Variants in HOOK3 observed in about 807,000 individuals in gnomAD.
HOOK3 encodes the protein protein Hook homolog 3.
In HOOK3, 24 loss-of-function variants were observed where a neutral mutation model predicts 116.3. That is an observed-to-expected ratio of 0.21 (90% CI 0.15 to 0.29). HOOK3 has a LOEUF of 0.29. Ranked by LOEUF, HOOK3 falls within the 10% of genes least tolerant of loss-of-function variation. The pLI is 1.00. For missense variants in HOOK3, 632 were observed against 830.2 expected (o/e 0.76, Z 2.93); for synonymous variants, 275 against 283.0 (o/e 0.97, Z 0.28).
At chr8:42,898,632 T>C (rs1173502058) in intron 1 of HOOK3, among the ~76,000 whole-genome samples, 10 of 152,188 alleles carry the variant, frequency 6.6e-5, no homozygotes, top group Admixed American at 5.9e-4. Flanking sequence ...CTTCCCTTTA[T>C]GCTAGAAGAA....
intron 2 of HOOK3, among the ~76,000 whole-genome samples, chr8:42,912,138 G>A (rs373915748): frequency 6.6e-6 from 1 of 152,046 alleles, no homozygotes; most frequent in Non-Finnish European, 1.5e-5. Context: ...GGTGAGTGTG[G>A]GTGCCAAAAA....
At chr8:42,927,150 GA>G (rs1384024379) in intron 3 of HOOK3, among the ~76,000 whole-genome samples, 1 of 151,402 alleles carries the variant, frequency 6.6e-6, no homozygotes, top group Admixed American at 6.6e-5. Flanking sequence ...TGTTTGATAA[GA>G]AAAGTATTTA....
chr8:42,906,595 TATC>T (rs1463801380), intron 2 of HOOK3, among the ~76,000 whole-genome samples: 1 of 152,314 alleles, frequency 6.6e-6, no homozygotes, highest in South Asian at 2.1e-4. Context: ...TTTGCTGAAA[TATC>T]ATCTCATCAG....
At chr8:42,955,361 A>G (rs867454756) in intron 6 of HOOK3, among the ~76,000 whole-genome samples, 11 of 152,274 alleles carry the variant, frequency 7.2e-5, no homozygotes, top group Middle Eastern at 3.4e-3. Context: ...CTAGTTCCCC[A>G]TCTATACCGT....
At chr8:42,968,632 G>A (rs1440556170) in intron 11 of HOOK3, among the ~76,000 whole-genome samples, 1 of 152,104 alleles carries the variant, frequency 6.6e-6, no homozygotes. Context: ...GAGCCACCAT[G>A]CCTGGCCTAT....
At chr8:43,012,659 A>G (rs1809635123) in intron 19 of HOOK3, among the ~76,000 whole-genome samples, 1 of 152,002 alleles carries the variant, frequency 6.6e-6, no homozygotes, top group Non-Finnish European at 1.5e-5. Flanking sequence ...GAGCACAGTG[A>G]CATGATCTCA....
intron 2 of HOOK3, among the ~76,000 whole-genome samples, chr8:42,920,277 C>T (rs1053359165): frequency 5.9e-5 from 9 of 152,056 alleles, no homozygotes; most frequent in Non-Finnish European, 1.0e-4. Context: ...TTGTTTTATT[C>T]GAGCCTGCGA....
intron 15 of HOOK3, among the ~76,000 whole-genome samples, chr8:42,996,894 CTTTTTTTTTT>C (rs60094537): frequency 1.1e-3 from 82 of 77,890 alleles, no homozygotes; most frequent in African/African-American, 2.0e-3. Context: ...GGGCAGGGAT[CTTTTTTTTTT>C]TTTTTTTTTT....
intron 11 of HOOK3, among the ~76,000 whole-genome samples, chr8:42,971,306 G>A (rs543252011): frequency 4.0e-5 from 6 of 151,702 alleles, no homozygotes; most frequent in South Asian, 2.1e-4. Context: ...TCGCTCTGTC[G>A]CTCAGGCTAG....
chr8:42,964,380 C>G lies in HOOK3; in HGVS notation c.685C>G (p.Gln229Glu). The G allele has an allele frequency of 6.2e-7, 1 of 1,613,840 alleles. No individual in the cohort carries two copies. The highest frequency in any genetic ancestry group is 8.5e-7 in the Non-Finnish European group (1 of 1,179,784). The change falls in exon 9 of 22, where the codon CAA becomes GAA. Residue 229 changes from glutamine to glutamate, a missense_variant. Around this residue, in one of 3 missense-constraint regions of HOOK3, gnomAD observed 483 missense variants for 648.1 expected, o/e 0.75. Transcript: ENST00000307602. The stretch of plus-strand genomic sequence containing the variant: ...TCAGGTATTAATGGAAAGACTCAAT[C>G]AATCTGATTCTATAGAAGACCCTAA... ...ENQVLMERLNQSDSIEDPNSP... is the reference protein window; with the variant it reads ...ENQVLMERLNESDSIEDPNSP...
At chr8:42,939,807 G>GGT in intron 4 of HOOK3, among the ~76,000 whole-genome samples, 1 of 150,944 alleles carries the variant, frequency 6.6e-6, no homozygotes, top group East Asian at 2.0e-4. Flanking sequence ...CTTCTCAGAC[G>GGT]GGGCGGCCGG....
chr8:42,919,896 A>C (rs368317846), intron 2 of HOOK3, among the ~76,000 whole-genome samples: 3 of 151,660 alleles, frequency 2.0e-5, no homozygotes, highest in Non-Finnish European at 4.4e-5. Context: ...GCAGCAGTAC[A>C]GTCCAGCCTT....
chr8:42,962,893 C>A lies in HOOK3; in HGVS notation c.616-1418C>A, dbSNP rs1441042576. Among the ~76,000 whole-genome samples the A allele has an allele frequency of 2.0e-5, 3 of 150,060 alleles. No homozygotes were observed. The East Asian group carries it at 5.9e-4, about 29-fold the overall frequency. On this transcript the variant is annotated intron_variant, in intron 8 of 21. Transcript: ENST00000307602. ...CTTAGCTCACTGCAACTTCTGCCTCCCAGGTTCAAGCTATTCTCTTGCCTC... is the reference window on the plus strand; with the variant it reads ...CTTAGCTCACTGCAACTTCTGCCTCACAGGTTCAAGCTATTCTCTTGCCTC...
chr8:43,028,995 T>A lies in HOOK3; in HGVS notation c.*10497T>A, dbSNP rs568946001. 5.0e-6 allele frequency: 1 copy of A among 198,592 alleles called. No homozygotes were observed. The highest frequency in any genetic ancestry group is 1.9e-4 in the South Asian group (1 of 5,202). 12.3% of individuals were successfully genotyped at this position (198,592 alleles called of 1,614,324 possible). Reference sequence around the variant, plus strand: ...TTATTATCTTCTTGGTGACCTACTTTAGTATGTGTTCTGTAGCGATTCATA... The same window carrying A: ...TTATTATCTTCTTGGTGACCTACTTAAGTATGTGTTCTGTAGCGATTCATA... On this transcript the variant is annotated 3_prime_UTR_variant, in exon 22 of 22. Coordinates refer to ENST00000307602, the MANE Select transcript of HOOK3 (RefSeq NM_032410.4).
intron 8 of HOOK3, 75 bp downstream of exon 8, chr8:42,959,389 C>A: frequency 1.1e-6 from 1 of 944,064 alleles, no homozygotes; most frequent in South Asian, 1.4e-5. Flanking sequence ...TGTGTACTGT[C>A]ATACAGTACA....
Position 42,983,562 on chromosome 8 carries a change from C to T in HOOK3, c.1391+866C>T, listed in dbSNP as rs540808555. 3.3e-5 allele frequency among the ~76,000 whole-genome samples: 5 copies of T among 152,248 alleles called. No homozygotes were observed. The South Asian group carries it at 6.2e-4, about 19-fold the overall frequency. On this transcript the variant is annotated intron_variant, in intron 14 of 21. Coordinates refer to ENST00000307602, the MANE Select transcript of HOOK3 (RefSeq NM_032410.4). ...GCAGTGGCACAGTCACGGCTCACTG[C>T]AGCCTTGACCTTCTGGGCTCAAGCA... is the stretch of plus-strand genomic sequence containing the variant.
At chr8:42,987,062 A>G (rs1809061922) in intron 15 of HOOK3, among the ~76,000 whole-genome samples, 1 of 152,118 alleles carries the variant, frequency 6.6e-6, no homozygotes, top group Non-Finnish European at 1.5e-5. Context: ...CTCAGGAGGC[A>G]GAGGTAGAAG....
chr8:42,950,165 C>T lies in HOOK3; in HGVS notation c.401-223C>T, dbSNP rs574905702. ...CCATTCTCGTGACCTGTAGCTGTAGCCTCAACTTTAGAAGGAATGTTGAAA... is the reference window on the plus strand; with the variant it reads ...CCATTCTCGTGACCTGTAGCTGTAGTCTCAACTTTAGAAGGAATGTTGAAA... On this transcript the variant is annotated intron_variant, in intron 5 of 21. Coordinates refer to ENST00000307602, the MANE Select transcript of HOOK3 (RefSeq NM_032410.4). 2.6e-5 allele frequency among the ~76,000 whole-genome samples: 4 copies of T among 152,196 alleles called. No homozygotes were observed. The South Asian group carries it at 8.3e-4, about 32-fold the overall frequency.
At position 43,018,475 on chromosome 8, in the gene HOOK3, G is replaced by A. The variant is rs778366658; in HGVS notation, c.2134G>A (p.Val712Met). ...TSSRRSYPGH[V>M]QPATAR ...CAGCAGAAGATCATACCCAGGCCAC[G>A]TGCAGCCGGCCACAGCAAGGTAGAG... The change falls in exon 22 of 22, where the codon GTG becomes ATG. Residue 712 changes from valine (V) to methionine (M), a missense_variant. Transcript: ENST00000307602. 6.8e-6 allele frequency: 11 copies of A among 1,612,448 alleles called. No homozygotes were observed. Among genetic ancestry groups the A allele is most frequent in the Admixed American group, 6.7e-5 (4 of 59,320 alleles).
Sources: gnomAD v4.1 joint callset for allele counts (sites outside exome capture counted in the v4.1 genomes callset) on GRCh38, gnomAD v4.1.1 for gene constraint, gnomAD v4.1.1 regional missense constraint, MANE v1.5 for transcripts, NCBI Gene and HGNC (gene_info 2026-07-23, HGNC 2026-07-21) for gene names.